CNTNAP2: variants seen among roughly 807,000 people sequenced by gnomAD.
The protein encoded by CNTNAP2 is contactin-associated protein-like 2.
Under a neutral mutation model 155.2 loss-of-function variants are expected in CNTNAP2, and 98 were observed. The observed-to-expected ratio is 0.63, with a 90% confidence interval of 0.54 to 0.75. CNTNAP2 has a LOEUF of 0.75. Ranked by LOEUF, CNTNAP2 falls within the 30% of genes least tolerant of loss-of-function variation. The pLI is 0.00. For synonymous variants in CNTNAP2, 651 were observed against 631.2 expected (o/e 1.03, Z -0.47); for missense variants, 1,727 against 1,688.1 (o/e 1.02, Z -0.40).
At chr7:148,072,184 ACT>A (rs1315251222) in intron 15 of CNTNAP2, among the ~76,000 whole-genome samples, 4 of 152,064 alleles carry the variant, frequency 2.6e-5, no homozygotes, top group Non-Finnish European at 5.9e-5. Flanking sequence ...AATAATAAAC[ACT>A]CTAAATCTCC....
At chr7:147,814,687 A>C (rs1798238387) in intron 13 of CNTNAP2, among the ~76,000 whole-genome samples, 1 of 152,180 alleles carries the variant, frequency 6.6e-6, no homozygotes, top group African/African-American at 2.4e-5. Flanking sequence ...TCACCATGTA[A>C]AATGCATGTA....
At chr7:147,956,757 T>C (rs1280509154) in intron 14 of CNTNAP2, among the ~76,000 whole-genome samples, 1 of 152,188 alleles carries the variant, frequency 6.6e-6, no homozygotes, top group Non-Finnish European at 1.5e-5. Context: ...GGAAGAAGAT[T>C]TAATTCTACT....
chr7:146,582,134 A>T (rs1468918511), intron 1 of CNTNAP2, among the ~76,000 whole-genome samples: 1 of 152,154 alleles, frequency 6.6e-6, no homozygotes, highest in Non-Finnish European at 1.5e-5. Context: ...ATGGGTAATC[A>T]ATCTACCATC....
intron 1 of CNTNAP2, among the ~76,000 whole-genome samples, chr7:146,245,423 T>C (rs1383927383): frequency 6.6e-6 from 1 of 152,078 alleles, no homozygotes; most frequent in Admixed American, 6.5e-5. Context: ...TGAGCATAGT[T>C]TGTGATTTTG....
intron 12 of CNTNAP2, among the ~76,000 whole-genome samples, chr7:147,591,794 A>G (rs1427852024): frequency 1.3e-5 from 2 of 152,250 alleles, no homozygotes. Context: ...GAACTGCACC[A>G]TCTGCATCCC....
At chr7:146,297,685 G>T (rs1164121320) in intron 1 of CNTNAP2, among the ~76,000 whole-genome samples, 1 of 152,098 alleles carries the variant, frequency 6.6e-6, no homozygotes, top group Non-Finnish European at 1.5e-5. Context: ...GTACTTCTTT[G>T]AAATGTATAG....
At chr7:148,105,651 A>G (rs1230841186) in intron 15 of CNTNAP2, among the ~76,000 whole-genome samples, 1 of 150,666 alleles carries the variant, frequency 6.6e-6, no homozygotes, top group African/African-American at 2.4e-5. Flanking sequence ...GCAATGGCAC[A>G]CTCTTGGCTC....
intron 1 of CNTNAP2, among the ~76,000 whole-genome samples, chr7:146,225,717 A>C (rs1799282577): frequency 6.6e-6 from 1 of 152,172 alleles, no homozygotes; most frequent in African/African-American, 2.4e-5. Context: ...CTCTATCCTC[A>C]TCACACAGTA....
At chr7:146,906,372 G>A (rs557390066) in intron 3 of CNTNAP2, among the ~76,000 whole-genome samples, 1,816 of 152,248 alleles carry the variant, frequency 0.012, 36 homozygotes, top group African/African-American at 0.041. Context: ...CAAAAAGACA[G>A]CAGTAACCTC....
intron 3 of CNTNAP2, among the ~76,000 whole-genome samples, chr7:146,920,283 A>G (rs1796475771): frequency 6.6e-6 from 1 of 152,202 alleles, no homozygotes; most frequent in South Asian, 2.1e-4. Context: ...TCATGGTGGC[A>G]GGTGCCTGTA....
chr7:146,789,656 G>T (rs917600798), intron 2 of CNTNAP2, among the ~76,000 whole-genome samples: 1 of 148,242 alleles, frequency 6.7e-6, no homozygotes, highest in Non-Finnish European at 1.5e-5. Flanking sequence ...AACCAGTAAA[G>T]ATTTGAACAG....
At chr7:147,951,105 G>T (rs1399643103) in intron 14 of CNTNAP2, among the ~76,000 whole-genome samples, 1 of 152,172 alleles carries the variant, frequency 6.6e-6, no homozygotes, top group Non-Finnish European at 1.5e-5. Flanking sequence ...ATCTGATAGC[G>T]ATTTAATTCT....
intron 1 of CNTNAP2, among the ~76,000 whole-genome samples, chr7:146,535,676 G>A (rs1797858088): frequency 1.3e-5 from 2 of 151,476 alleles, no homozygotes; most frequent in African/African-American, 2.4e-5. Context: ...AGTATATCGT[G>A]TGATGCTGAG....
chr7:146,566,321 G>A (rs186480499), intron 1 of CNTNAP2, among the ~76,000 whole-genome samples: 1 of 152,178 alleles, frequency 6.6e-6, no homozygotes, highest in South Asian at 2.1e-4. Context: ...GAAGCAAGTG[G>A]CTAGGTATTT....
At chr7:147,730,271 T>C (rs1563068184) in intron 13 of CNTNAP2, among the ~76,000 whole-genome samples, 1 of 152,130 alleles carries the variant, frequency 6.6e-6, no homozygotes, top group Non-Finnish European at 1.5e-5. Context: ...TATTGGGTTT[T>C]GCTTTATTGA....
intron 1 of CNTNAP2, among the ~76,000 whole-genome samples, chr7:146,236,294 C>G (rs1799472261): frequency 6.6e-6 from 1 of 152,000 alleles, no homozygotes; most frequent in Admixed American, 6.6e-5. Flanking sequence ...AGTTGATGCA[C>G]TGAATGATGT....
chr7:147,061,574 A>G (rs1799675567), intron 4 of CNTNAP2, among the ~76,000 whole-genome samples: 1 of 152,128 alleles, frequency 6.6e-6, no homozygotes, highest in African/African-American at 2.4e-5. Flanking sequence ...ATGTGTGTAT[A>G]CACTCATGTG....
chr7:146,282,453 A>G (rs1800266848), intron 1 of CNTNAP2, among the ~76,000 whole-genome samples: 1 of 152,224 alleles, frequency 6.6e-6, no homozygotes, highest in South Asian at 2.1e-4. Flanking sequence ...ACTTTGGATA[A>G]TTGTTAAAAC....
intron 1 of CNTNAP2, among the ~76,000 whole-genome samples, chr7:146,615,255 A>C (rs1161355305): frequency 6.6e-6 from 1 of 152,218 alleles, no homozygotes; most frequent in Non-Finnish European, 1.5e-5. Context: ...AGCTAGATCT[A>C]TCTAACTGCA....
Sources: allele counts gnomAD v4.1 joint callset (sites outside exome capture counted in the v4.1 genomes callset), GRCh38; gene constraint gnomAD v4.1.1; transcripts MANE v1.5; gene names NCBI Gene and HGNC (gene_info 2026-07-23, HGNC 2026-07-21).